The following HTR1F variants were observed in gnomAD, a reference collection of about 807,000 sequenced individuals.
The protein encoded by HTR1F is 5-hydroxytryptamine (serotonin) receptor 1F, G protein-coupled.
In HTR1F, 17 loss-of-function variants were observed where a neutral mutation model predicts 24.0. The ratio of observed to expected loss-of-function variants is 0.71; its 90% CI spans 0.48 to 1.06. The LOEUF is 1.06. Ranked by LOEUF, HTR1F falls within the 50% of genes least tolerant of loss-of-function variation. The probability of loss-of-function intolerance (pLI) is 0.00; values close to 1 mark genes in which losing one functional copy is unlikely to be tolerated. For missense variants in HTR1F, 391 were observed against 427.8 expected, an observed-to-expected ratio of 0.91 and a Z score of 0.76; for synonymous variants, 186 against 156.8, an observed-to-expected ratio of 1.19 and a Z score of -1.39.
chr3:87,924,800 C>T (rs189211361), intron 2 of HTR1F, among the ~76,000 whole-genome samples: 1 of 152,198 alleles, frequency 6.6e-6, no homozygotes, highest in Admixed American at 6.6e-5. Flanking sequence ...CTAGAATTCT[C>T]TCTTTTGTCT....
chr3:87,847,885 T>C (rs1256316280), intron 2 of HTR1F, among the ~76,000 whole-genome samples: 2 of 151,928 alleles, frequency 1.3e-5, no homozygotes, highest in African/African-American at 2.4e-5. Context: ...GCGCTCTTTA[T>C]GGCTGAATAT....
chr3:87,793,363 C>G (rs1376572688), intron 1 of HTR1F: 3 of 152,070 alleles, frequency 2.0e-5, no homozygotes, highest in Non-Finnish European at 4.4e-5. Context: ...TGGAAGAAGC[C>G]GTAGATCGGA....
Position 87,992,606 on chromosome 3 carries a change from T to C in HTR1F, c.*756T>C, listed in dbSNP as rs1195804287. ...GTAACAATAACTCAACAAAGGGGCA[T>C]GGGTGACGTTGTTATAATTGCTCTC... On this transcript the variant is annotated 3_prime_UTR_variant, in exon 3 of 3. Transcript: ENST00000319595. 1.8e-5 allele frequency: 3 copies of C among 167,026 alleles called. No homozygotes were observed. Among genetic ancestry groups the C allele is most frequent in the African/African-American group, 7.2e-5 (3 of 41,448 alleles). The allele number at this position is 167,026 out of a possible 1,614,324, so 10.3% of individuals were successfully genotyped here. A position where few individuals can be genotyped will look rare whatever the true frequency, so the allele number is the denominator to read the frequency against.
intron 2 of HTR1F, among the ~76,000 whole-genome samples, chr3:87,908,196 A>T (rs1703705964): frequency 6.6e-6 from 1 of 152,002 alleles, no homozygotes; most frequent in South Asian, 2.1e-4. Flanking sequence ...ATTACTATTA[A>T]TCTATCATAA....
At chr3:87,907,685 C>A (rs1351845076) in intron 2 of HTR1F, among the ~76,000 whole-genome samples, 3 of 151,794 alleles carry the variant, frequency 2.0e-5, no homozygotes, top group Non-Finnish European at 4.4e-5. Flanking sequence ...CTCTCAAAAA[C>A]CTACAGCTTA....
chr3:87,845,443 A>T (rs1704918751), intron 2 of HTR1F, among the ~76,000 whole-genome samples: 1 of 149,252 alleles, frequency 6.7e-6, no homozygotes. Flanking sequence ...CCAACAACAG[A>T]CAAACAGAGA....
chr3:87,909,914 A>G (rs1001653643), intron 2 of HTR1F, among the ~76,000 whole-genome samples: 5 of 152,006 alleles, frequency 3.3e-5, no homozygotes, highest in Non-Finnish European at 7.4e-5. Context: ...AGCATACTCC[A>G]TGGTCTTTTA....
chr3:87,945,503 GA>G (rs1704676489), intron 2 of HTR1F, among the ~76,000 whole-genome samples: 1 of 152,174 alleles, frequency 6.6e-6, no homozygotes, highest in African/African-American at 2.4e-5. Flanking sequence ...ACACATGGGC[GA>G]CTATTGAGTA....
chr3:87,815,992 A>G (rs1321055822), intron 1 of HTR1F, among the ~76,000 whole-genome samples: 1 of 152,114 alleles, frequency 6.6e-6, no homozygotes, highest in South Asian at 2.1e-4. Flanking sequence ...CATGAAATGC[A>G]CTAGTTTAGA....
chr3:87,991,006 G>A lies in HTR1F; in HGVS notation c.257G>A (p.Arg86Lys), dbSNP rs148774926. ...CCCTTCAGCATTGTGTATATTGTGA[G>A]AGAGAGCTGGATTATGGGGCAAGTG... ...VMPFSIVYIV[R>K]ESWIMGQVVC... The change falls in exon 3 of 3, where the codon AGA (arginine) becomes AAA (lysine). Residue 86 changes from arginine to lysine, a missense_variant. Coordinates refer to ENST00000319595, the MANE Select transcript of HTR1F (RefSeq NM_001322209.2). The A allele has an allele frequency of 3.8e-4, 607 of 1,614,044 alleles. No individual in the cohort carries two copies. The highest frequency in any genetic ancestry group is 4.7e-4 in the Non-Finnish European group (555 of 1,180,052).
At chr3:87,826,452 T>G (rs909366102) in intron 2 of HTR1F, among the ~76,000 whole-genome samples, 3 of 152,220 alleles carry the variant, frequency 2.0e-5, no homozygotes, top group Non-Finnish European at 4.4e-5. Flanking sequence ...TTTACCTGCT[T>G]GATTTTCTCA....
chr3:87,983,303 G>A (rs1705592720), intron 2 of HTR1F, among the ~76,000 whole-genome samples: 1 of 152,246 alleles, frequency 6.6e-6, no homozygotes, highest in East Asian at 1.9e-4. Flanking sequence ...ACATATACAT[G>A]GCAAATATAG....
chr3:87,966,297 C>T (rs772282648), intron 2 of HTR1F, among the ~76,000 whole-genome samples: 1 of 152,156 alleles, frequency 6.6e-6, no homozygotes, highest in Non-Finnish European at 1.5e-5. Context: ...AATACCATAA[C>T]CTTGGGAGTA....
At chr3:87,849,817 C>T (rs1283599419) in intron 2 of HTR1F, among the ~76,000 whole-genome samples, 1 of 151,904 alleles carries the variant, frequency 6.6e-6, no homozygotes, top group Non-Finnish European at 1.5e-5. Context: ...AGACGCTTCT[C>T]AAAAGAGGAC....
intron 2 of HTR1F, among the ~76,000 whole-genome samples, chr3:87,877,031 A>G (rs1482752992): frequency 6.6e-6 from 1 of 152,178 alleles, no homozygotes; most frequent in African/African-American, 2.4e-5. Context: ...TTAAATATGC[A>G]GTCTACAAAG....
At chr3:87,975,770 A>G (rs1303925580) in intron 2 of HTR1F, among the ~76,000 whole-genome samples, 2 of 152,220 alleles carry the variant, frequency 1.3e-5, no homozygotes, top group African/African-American at 2.4e-5. Flanking sequence ...GTTTTTCCTC[A>G]TATTTTAGTT....
intron 2 of HTR1F, among the ~76,000 whole-genome samples, chr3:87,836,806 AAAC>A (rs1704692231): frequency 6.6e-6 from 1 of 152,146 alleles, no homozygotes; most frequent in Non-Finnish European, 1.5e-5. Context: ...GAAAAACAAA[AAAC>A]AAGATAAAAT....
intron 1 of HTR1F, among the ~76,000 whole-genome samples, chr3:87,809,403 T>A (rs1320055578): frequency 1.3e-5 from 2 of 151,974 alleles, no homozygotes; most frequent in Non-Finnish European, 2.9e-5. Flanking sequence ...AACAGGAATA[T>A]TTGGAGTTTT....
intron 2 of HTR1F, among the ~76,000 whole-genome samples, chr3:87,869,454 T>TAGTTAGATAGATA (rs113301497): frequency 8.0e-6 from 1 of 124,772 alleles, no homozygotes; most frequent in East Asian, 2.3e-4. Context: ...GATAGATAGA[T>TAGTTAGATAGATA]GATAGATAGA....
Sources: gnomAD v4.1 joint callset for allele counts (sites outside exome capture counted in the v4.1 genomes callset) on GRCh38, gnomAD v4.1.1 for gene constraint, MANE v1.5 for transcripts, NCBI Gene and HGNC (gene_info 2026-07-23, HGNC 2026-07-21) for gene names.